Variants in ZNF728 observed in about 807,000 individuals in gnomAD.
ZNF728 encodes zinc finger protein 728.
A neutral mutation model predicts 12.5 loss-of-function variants in ZNF728; 12 were observed. The ratio of observed to expected loss-of-function variants is 0.96; its 90% CI spans 0.61 to 1.55. The LOEUF is 1.55. Ranked by LOEUF, ZNF728 falls within the 40% of genes most tolerant of loss-of-function variation. The pLI, the probability that ZNF728 is intolerant of heterozygous loss-of-function variation, is 0.00. For synonymous variants in ZNF728, 205 were observed against 240.7 expected, an observed-to-expected ratio of 0.85 and a Z score of 1.37; for missense variants, 692 against 719.2, an observed-to-expected ratio of 0.96 and a Z score of 0.43.
chr19:22,981,064 C>CA lies in ZNF728; in HGVS notation c.227-3955dup, dbSNP rs906482470. Among the ~76,000 whole-genome samples the CA allele has an allele frequency of 5.4e-3, 693 of 127,332 alleles. 2 individuals are homozygous for CA. Among genetic ancestry groups the CA allele is most frequent in the African/African-American group, 0.016 (559 of 34,814 alleles). 83.5% of individuals were successfully genotyped at this position (127,332 alleles called of 152,430 possible). ...GGAGAGACAGACACAAAATACCCTT[C>CA]AAAAAAAAAAAAATTCAATGAATCC... is the stretch of plus-strand genomic sequence containing the variant. On this transcript the variant is annotated intron_variant, in intron 3 of 3. Transcript: ENST00000594710.
chr19:23,002,316 A>G (rs930997728), intron 1 of ZNF728, among the ~76,000 whole-genome samples: 1 of 152,238 alleles, frequency 6.6e-6, no homozygotes, highest in Non-Finnish European at 1.5e-5. Context: ...CTTTGTCTCA[A>G]AAAAACTAAT....
intron 1 of ZNF728, 110 bp from the exon 2 acceptor site, chr19:22,988,561 G>A (rs780933368): frequency 8.9e-6 from 13 of 1,462,340 alleles, no homozygotes; most frequent in Non-Finnish European, 1.2e-5. Context: ...TGACTTACAG[G>A]AGTGACTGAA....
At chr19:23,002,230 G>A (rs551942118) in intron 1 of ZNF728, among the ~76,000 whole-genome samples, 59 of 152,276 alleles carry the variant, frequency 3.9e-4, no homozygotes, top group African/African-American at 1.4e-3. Flanking sequence ...CAGGAGAATC[G>A]CTTGAACCTG....
intron 1 of ZNF728, among the ~76,000 whole-genome samples, chr19:23,001,738 AATG>A (rs1483176931): frequency 2.0e-5 from 3 of 152,264 alleles, no homozygotes; most frequent in African/African-American, 7.2e-5. Context: ...TTTGTCAAAA[AATG>A]ATTAAAATAG....
rs138351912 is a variant in ZNF728, at chr19:22,980,908, C to G, written c.227-3798G>C. On this transcript the variant is annotated intron_variant, in intron 3 of 3. Transcript: ENST00000594710. Reference sequence around the variant, plus strand: ...AGGAAAATTCACAGCACTAAATGCCCACGAGAGAAAGCAGGAAAGATCTAA... The same window carrying G: ...AGGAAAATTCACAGCACTAAATGCCGACGAGAGAAAGCAGGAAAGATCTAA... 3.3e-3 allele frequency among the ~76,000 whole-genome samples: 503 copies of G among 152,028 alleles called. 3 individuals carry two copies. Among genetic ancestry groups the G allele is most frequent in the African/African-American group, 0.012 (486 of 41,458 alleles).
rs767158969 is a variant in ZNF728 at position 22,976,133 on chromosome 19, C to T, written c.1204G>A (p.Gly402Ser). Reference protein sequence around the residue: ...GDKPYKCEECGKTFKWSSTLT... With the variant: ...GDKPYKCEECSKTFKWSSTLT... ...GTTGAGGACCACTTAAAGGTTTTGC[C>T]ACATTCTTCACATTTGTAAGGTTTG... Residue 402 changes from glycine to serine, a missense_variant, in exon 4 of 4, where the codon GGC becomes AGC. Around this residue, in one of 3 missense-constraint regions of ZNF728, gnomAD observed 8 missense variants for 24.4 expected, o/e 0.33. Coordinates refer to ENST00000594710, the MANE Select transcript of ZNF728 (RefSeq NM_001267716.2). The T allele has an allele frequency of 6.2e-7, 1 of 1,612,920 alleles. No homozygotes were observed.
intron 3 of ZNF728, among the ~76,000 whole-genome samples, chr19:22,980,448 C>T (rs1383296249): frequency 6.6e-6 from 1 of 152,134 alleles, no homozygotes; most frequent in East Asian, 1.9e-4. Flanking sequence ...TTTAACACCC[C>T]ACTGTCAATA....
chr19:22,992,220 T>C (rs1968996299), intron 1 of ZNF728, among the ~76,000 whole-genome samples: 1 of 152,096 alleles, frequency 6.6e-6, no homozygotes, highest in Admixed American at 6.6e-5. Flanking sequence ...GTAGGAACCA[T>C]GACTGCTTCA....
chr19:22,992,745 T>C (rs1969004520), intron 1 of ZNF728, among the ~76,000 whole-genome samples: 1 of 152,196 alleles, frequency 6.6e-6, no homozygotes, highest in Non-Finnish European at 1.5e-5. Flanking sequence ...GACTCATTTC[T>C]CTCACAATGG....
chr19:22,977,480 T>A (rs1968819248), intron 3 of ZNF728, among the ~76,000 whole-genome samples: 1 of 152,116 alleles, frequency 6.6e-6, no homozygotes, highest in South Asian at 2.1e-4. Flanking sequence ...TATTGGCACA[T>A]ACAATTTAAT....
chr19:23,000,153 G>T (rs777727259), intron 1 of ZNF728, among the ~76,000 whole-genome samples: 4 of 152,158 alleles, frequency 2.6e-5, no homozygotes, highest in Non-Finnish European at 5.9e-5. Flanking sequence ...TGGATCATGA[G>T]GTCAGGAGAT....
Position 22,977,010 on chromosome 19 carries a change from C to A in ZNF728, c.327G>T (p.Glu109Asp). 1 of 1,613,444 alleles carries A rather than the reference C, an allele frequency of 6.2e-7. No homozygotes were observed. Among genetic ancestry groups the A allele is most frequent in the Non-Finnish European group, 8.5e-7 (1 of 1,179,768 alleles). Reference sequence around the variant, plus strand: ...TACAACCAATTTTTAACTGTAAATTCTCATGTCCACATTTTTCATATCTTC... The same window carrying A: ...TACAACCAATTTTTAACTGTAAATTATCATGTCCACATTTTTCATATCTTC... ...ILRRYEKCGH[E>D]NLQLKIGCTN... The change falls in exon 4 of 4, where the codon GAG becomes GAT. Residue 109 changes from glutamate (E) to aspartate (D), a missense_variant. Glu to Asp is a conservative substitution (Grantham distance 45). Around this residue, in one of 3 missense-constraint regions of ZNF728, gnomAD observed 440 missense variants for 459.6 expected, o/e 0.96. Coordinates refer to ENST00000594710, the MANE Select transcript of ZNF728 (RefSeq NM_001267716.2).
At chr19:23,001,599 A>G (rs1389816470) in intron 1 of ZNF728, among the ~76,000 whole-genome samples, 1 of 152,250 alleles carries the variant, frequency 6.6e-6, no homozygotes, top group Non-Finnish European at 1.5e-5. Flanking sequence ...GGCTGAGGAC[A>G]CATCTCCCTA....
At chr19:22,989,470 T>G (rs988572316) in intron 1 of ZNF728, among the ~76,000 whole-genome samples, 8 of 152,156 alleles carry the variant, frequency 5.3e-5, no homozygotes, top group South Asian at 2.1e-4. Flanking sequence ...TTTGTTCACA[T>G]CAGCTGCATA....
intron 1 of ZNF728, 75 bp from the exon 2 acceptor site, chr19:22,988,526 T>C (rs908193312): frequency 2.9e-5 from 46 of 1,585,478 alleles, no homozygotes; most frequent in Admixed American, 2.0e-4. Context: ...CAAGGTAAAA[T>C]GGAAAGAGTA....
chr19:23,003,000 C>G, intron 1 of ZNF728, 28 bp downstream of exon 1: 1 of 1,586,832 alleles, frequency 6.3e-7, no homozygotes. Context: ...CTGCCACTCT[C>G]TCGGGATGTC....
chr19:22,991,178 A>C (rs1335933486), intron 1 of ZNF728, among the ~76,000 whole-genome samples: 1 of 152,228 alleles, frequency 6.6e-6, no homozygotes, highest in Non-Finnish European at 1.5e-5. Flanking sequence ...AGAAAGCAGC[A>C]ATTTCTGAGT....
At chr19:22,980,715 T>C (rs958175024) in intron 3 of ZNF728, among the ~76,000 whole-genome samples, 5 of 152,164 alleles carry the variant, frequency 3.3e-5, no homozygotes, top group Non-Finnish European at 5.9e-5. Flanking sequence ...AACTCAGGAT[T>C]AAGAAACTCA....
At chr19:22,977,195 C>T in intron 3 of ZNF728, 85 bp from the exon 4 acceptor site, 4 of 1,290,848 alleles carry the variant, frequency 3.1e-6, no homozygotes, top group South Asian at 1.6e-5. Context: ...ATTCAAACTA[C>T]ATAAGCAAGA....
Sources: gnomAD v4.1 joint callset for allele counts (sites outside exome capture counted in the v4.1 genomes callset) on GRCh38, gnomAD v4.1.1 for gene constraint, gnomAD v4.1.1 regional missense constraint, MANE v1.5 for transcripts, NCBI Gene and HGNC (gene_info 2026-07-23, HGNC 2026-07-21) for gene names.